ANKH: variants seen among roughly 807,000 people sequenced by gnomAD.
ANKH encodes the protein ANKH inorganic pyrophosphate transport regulator, also known as mineralization regulator ANKH.
Under a neutral mutation model 49.0 loss-of-function variants are expected in ANKH, and 15 were observed. The observed-to-expected ratio is 0.31, with a 90% CI of 0.20 to 0.47. The LOEUF (loss-of-function observed/expected upper bound fraction) is 0.47, where lower values mean the gene tolerates loss of function less well. Ranked by LOEUF, ANKH falls within the 20% of genes least tolerant of loss-of-function variation. ANKH has a pLI of 1.00. For synonymous variants in ANKH, 273 were observed against 260.0 expected, an observed-to-expected ratio of 1.05 and a Z score of -0.48; for missense variants, 429 against 652.0, an observed-to-expected ratio of 0.66 and a Z score of 3.72.
intron 1 of ANKH, 86 bp downstream of exon 1, chr5:14,871,266 A>C (rs1170267793): frequency 2.6e-6 from 3 of 1,170,206 alleles, no homozygotes; most frequent in Non-Finnish European, 3.8e-6. Flanking sequence ...AGGGACTCGG[A>C]GCAGGTGACT....
chr5:14,719,122 C>T (rs1034026748), intron 8 of ANKH, among the ~76,000 whole-genome samples: 5 of 152,320 alleles, frequency 3.3e-5, no homozygotes, highest in African/African-American at 1.2e-4. Context: ...CCCATCAGGG[C>T]ACGTCACTGA....
intron 1 of ANKH, among the ~76,000 whole-genome samples, chr5:14,781,635 T>C (rs28006): frequency 0.77 from 117,189 of 152,072 alleles, 45,239 homozygotes; most frequent in South Asian, 0.86. Context: ...CTCTTTGAAT[T>C]CTCCTGATCT....
intron 11 of ANKH, 143 bp from the exon 12 acceptor site, chr5:14,711,453 C>T (rs773319558): frequency 1.4e-5 from 10 of 694,522 alleles, no homozygotes; most frequent in Non-Finnish European, 2.6e-5. Flanking sequence ...GGCGTCACCT[C>T]TTTTGCATCT....
chr5:14,855,594 G>A (rs1742231804), intron 1 of ANKH, among the ~76,000 whole-genome samples: 2 of 152,070 alleles, frequency 1.3e-5, no homozygotes, highest in African/African-American at 2.4e-5. Context: ...TATCATAACT[G>A]TCAACAAAAT....
At chr5:14,841,258 T>A (rs553538720) in intron 1 of ANKH, among the ~76,000 whole-genome samples, 8 of 152,058 alleles carry the variant, frequency 5.3e-5, no homozygotes, top group East Asian at 3.9e-4. Flanking sequence ...ACTTATTTTT[T>A]AAATCATGAT....
In ANKH at chr5:14,716,731, C is replaced by G. The variant is rs764037093; in HGVS notation, c.1116G>C (p.Arg372=). 1.3e-5 allele frequency: 21 copies of G among 1,613,982 alleles called. No homozygotes were observed. Among genetic ancestry groups the G allele is most frequent in the East Asian group, 2.2e-5 (1 of 44,898 alleles). The change falls in exon 9 of 12, where the codon CGG becomes CGC. Residue 372 remains arginine (R), a synonymous_variant. Coordinates refer to ENST00000284268, the MANE Select transcript of ANKH (RefSeq NM_054027.6). ...AFAELCVVPL[R]IFSFFPVPVT... ...CTGGAACTGGGAAGAAGGAGAAGAT[C>G]CGCAAAGGAACAACACAGAGTTCTG...
chr5:14,778,602 C>T (rs1430341624), intron 1 of ANKH, among the ~76,000 whole-genome samples: 1 of 152,126 alleles, frequency 6.6e-6, no homozygotes, highest in Non-Finnish European at 1.5e-5. Flanking sequence ...TCTATTTCTC[C>T]CACTCCCTCG....
At chr5:14,823,545 G>C (rs897610326) in intron 1 of ANKH, among the ~76,000 whole-genome samples, 1 of 152,206 alleles carries the variant, frequency 6.6e-6, no homozygotes, top group Non-Finnish European at 1.5e-5. Context: ...GAGAAAAAGT[G>C]AGTATTTTCA....
intron 1 of ANKH, among the ~76,000 whole-genome samples, chr5:14,855,069 G>A (rs1360455812): frequency 1.3e-5 from 2 of 152,054 alleles, no homozygotes; most frequent in Non-Finnish European, 2.9e-5. Context: ...TCCTCCTGCC[G>A]TTCCCCTGGT....
chr5:14,866,070 G>A (rs1181248840), intron 1 of ANKH, among the ~76,000 whole-genome samples: 5 of 152,170 alleles, frequency 3.3e-5, no homozygotes, highest in Admixed American at 2.0e-4. Context: ...TATTCAGTGC[G>A]GTCTCAGCTC....
At chr5:14,769,772 G>C (rs1384924163) in intron 1 of ANKH, among the ~76,000 whole-genome samples, 1 of 152,078 alleles carries the variant, frequency 6.6e-6, no homozygotes, top group East Asian at 1.9e-4. Context: ...TTGTTTACCT[G>C]ATTCCTACTA....
At chr5:14,741,210 A>G (rs1333706212) in intron 8 of ANKH, 1 of 153,604 alleles carries the variant, frequency 6.5e-6, no homozygotes, top group African/African-American at 2.4e-5. Flanking sequence ...GTGTTCGCAC[A>G]CATCCGAATT....
At position 14,797,628 on chromosome 5, in the gene ANKH, C is replaced by A. The variant is rs188994580; in HGVS notation, c.97-28437G>T. The A allele has an allele frequency of 1.1e-3, 1,805 of 1,603,312 alleles. 3 individuals are homozygous for A. Among genetic ancestry groups the A allele is most frequent in the Non-Finnish European group, 1.4e-3 (1,638 of 1,171,952 alleles). On this transcript the variant is annotated intron_variant, in intron 1 of 11. Coordinates refer to ENST00000284268, the MANE Select transcript of ANKH (RefSeq NM_054027.6). Reference sequence around the variant, plus strand: ...GCTTGGTTTGGAAGTATTGTTTGAACGAGTATCCCAAATCATCAGTTTCTG... The same window carrying A: ...GCTTGGTTTGGAAGTATTGTTTGAAAGAGTATCCCAAATCATCAGTTTCTG...
rs1324724221 is a variant in ANKH, at chr5:14,709,874, ATAAAT to A, written c.*1318_*1322del. 6.5e-6 allele frequency: 1 copy of A among 152,688 alleles called. No individual in the cohort carries two copies. Among genetic ancestry groups the A allele is most frequent in the Non-Finnish European group, 1.5e-5 (1 of 68,050 alleles). 9.5% of individuals were successfully genotyped at this position (152,688 alleles called of 1,614,324 possible). A position where few individuals can be genotyped will look rare whatever the true frequency, so the allele number is the denominator to read the frequency against. On this transcript the variant is annotated 3_prime_UTR_variant, in exon 12 of 12. Coordinates refer to ENST00000284268, the MANE Select transcript of ANKH (RefSeq NM_054027.6). ...AATAGGAAATGTATTATAGCCTAAA[ATAAAT>A]TACATAACATATACAGCATATATTT...
intron 8 of ANKH, among the ~76,000 whole-genome samples, chr5:14,720,093 G>A (rs1024653054): frequency 6.6e-6 from 1 of 151,652 alleles, no homozygotes; most frequent in African/African-American, 2.4e-5. Context: ...TATTTACTAT[G>A]TCATGTTGAA....
chr5:14,768,125 A>C (rs542991561), intron 2 of ANKH: 3 of 152,248 alleles, frequency 2.0e-5, no homozygotes, highest in Non-Finnish European at 4.4e-5. Flanking sequence ...GTGAGTAAGC[A>C]TTAGCTGCCA....
At chr5:14,865,244 G>A (rs927711889) in intron 1 of ANKH, among the ~76,000 whole-genome samples, 2 of 151,742 alleles carry the variant, frequency 1.3e-5, no homozygotes, top group African/African-American at 4.8e-5. Flanking sequence ...TGGGCAACAA[G>A]AACAAAACTC....
chr5:14,792,136 T>G lies in ANKH; in HGVS notation c.97-22945A>C, dbSNP rs1740189169. ...TGCCAGAGCTCAGCCTGCTCTGGGC[T>G]CAAGAGAGGAACAGAGGCTGGCTCA... On this transcript the variant is annotated intron_variant, in intron 1 of 11. Transcript: ENST00000284268. 2.0e-5 allele frequency among the ~76,000 whole-genome samples: 3 copies of G among 152,088 alleles called. No individual in the cohort carries two copies. In the South Asian group the frequency reaches 6.2e-4, roughly 32 times the overall value.
chr5:14,800,307 T>C (rs258223), intron 1 of ANKH, among the ~76,000 whole-genome samples: 52,024 of 152,144 alleles, frequency 0.34, 8,905 homozygotes, highest in Admixed American at 0.4. Flanking sequence ...ACAAATGACT[T>C]AGAATATTAC....
Sources: allele counts gnomAD v4.1 joint callset (sites outside exome capture counted in the v4.1 genomes callset), GRCh38; gene constraint gnomAD v4.1.1; transcripts MANE v1.5; gene names NCBI Gene and HGNC (gene_info 2026-07-23, HGNC 2026-07-21).